The following FRAS1 variants were observed in gnomAD, a reference collection of about 807,000 sequenced individuals.
The protein encoded by FRAS1 is Fraser extracellular matrix complex subunit 1.
In FRAS1, 290 loss-of-function variants were observed where a neutral mutation model predicts 435.2. The ratio of observed to expected loss-of-function variants is 0.67; its 90% confidence interval spans 0.61 to 0.73. The LOEUF (loss-of-function observed/expected upper bound fraction) is 0.73. FRAS1 is among the 30% of genes least tolerant of loss of function. The pLI is 0.00. For synonymous variants in FRAS1, 1,800 were observed against 1,851.0 expected (o/e 0.97, Z 0.71); for missense variants, 4,860 against 5,001.5 (o/e 0.97, Z 0.85).
intron 70 of FRAS1, among the ~76,000 whole-genome samples, chr4:78,530,372 C>A (rs539781777): frequency 1.3e-5 from 2 of 152,016 alleles, no homozygotes; most frequent in Admixed American, 1.3e-4. Flanking sequence ...TGCTTTACAT[C>A]AGGGAGATTA....
chr4:78,075,989 G>T (rs754491313), intron 2 of FRAS1, among the ~76,000 whole-genome samples: 2 of 152,140 alleles, frequency 1.3e-5, no homozygotes, highest in Non-Finnish European at 2.9e-5. Flanking sequence ...TAGGCAGTGG[G>T]GATGCTTTGA....
rs757687097 is a variant in FRAS1, at chr4:78,387,398, A to C, written c.3672A>C (p.Glu1224Asp). The C allele has an allele frequency of 1.2e-6, 2 of 1,611,138 alleles. No homozygotes were observed. The highest frequency in any genetic ancestry group is 2.2e-5 in the South Asian group (2 of 90,600). Residue 1224 changes from glutamate to aspartate, a missense_variant, in exon 29 of 74, where the codon GAA (glutamate) becomes GAC (aspartate). Transcript: ENST00000512123. ...AGGCCCCCTATGTGCTGAGAAATGA[A>C]GTTCTCCACATTAGCAGAGGAGAGA... is the stretch of plus-strand genomic sequence containing the variant. ...STQAPYVLRNEVLHISRGERA... is the reference protein window; with the variant it reads ...STQAPYVLRNDVLHISRGERA...
At chr4:78,102,524 C>T (rs541410706) in intron 2 of FRAS1, among the ~76,000 whole-genome samples, 21 of 152,250 alleles carry the variant, frequency 1.4e-4, no homozygotes, top group African/African-American at 4.6e-4. Flanking sequence ...ACAAATTCCC[C>T]TTAATTTTCC....
chr4:78,076,040 C>A (rs755934520), intron 2 of FRAS1, among the ~76,000 whole-genome samples: 8 of 152,172 alleles, frequency 5.3e-5, no homozygotes, highest in African/African-American at 1.2e-4. Context: ...TCTGTCAGTA[C>A]AAACTGATTA....
intron 2 of FRAS1, among the ~76,000 whole-genome samples, chr4:78,079,748 T>C (rs569329064): frequency 2.0e-5 from 3 of 152,214 alleles, no homozygotes; most frequent in Admixed American, 6.5e-5. Context: ...CCGGCAAAAG[T>C]TCCAGAAAAC....
intron 2 of FRAS1, among the ~76,000 whole-genome samples, chr4:78,148,611 T>C (rs1720512134): frequency 6.6e-6 from 1 of 152,208 alleles, no homozygotes; most frequent in African/African-American, 2.4e-5. Context: ...ATTAATTATG[T>C]ATCTGATCTT....
At chr4:78,220,651 A>G (rs1277104757) in intron 2 of FRAS1, among the ~76,000 whole-genome samples, 3 of 152,224 alleles carry the variant, frequency 2.0e-5, no homozygotes, top group African/African-American at 7.2e-5. Context: ...TTTCATTAAT[A>G]GAACAATCAA....
At chr4:78,178,131 T>A (rs915410917) in intron 2 of FRAS1, among the ~76,000 whole-genome samples, 1 of 152,192 alleles carries the variant, frequency 6.6e-6, no homozygotes, top group African/African-American at 2.4e-5. Flanking sequence ...AGCATCACTT[T>A]AATCTCTGTC....
chr4:78,273,781 T>G (rs1726845180), intron 9 of FRAS1, among the ~76,000 whole-genome samples: 1 of 152,186 alleles, frequency 6.6e-6, no homozygotes, highest in South Asian at 2.1e-4. Context: ...TTCTCTTTTT[T>G]TGTAGTGTCT....
intron 14 of FRAS1, among the ~76,000 whole-genome samples, chr4:78,305,054 A>G (rs1006018982): frequency 3.8e-4 from 58 of 152,238 alleles, no homozygotes; most frequent in Non-Finnish European, 8.1e-4. Flanking sequence ...AGATTCTGGT[A>G]TGTTATGTCT....
At chr4:78,206,786 T>C (rs145015620) in intron 2 of FRAS1, among the ~76,000 whole-genome samples, 173 of 152,316 alleles carry the variant, frequency 1.1e-3, no homozygotes, top group African/African-American at 3.9e-3. Context: ...ATGACTTAAC[T>C]GGGTGCAAAG....
intron 23 of FRAS1, 97 bp from the exon 24 acceptor site, chr4:78,372,621 T>G (rs755638602): frequency 1.4e-5 from 21 of 1,449,666 alleles, no homozygotes; most frequent in Non-Finnish European, 1.6e-5. Context: ...TGTCCTTATT[T>G]TACTCCTTGC....
In FRAS1 at chr4:78,419,032, C is replaced by A. The variant is rs1170391622; in HGVS notation, c.4509C>A (p.Tyr1503Ter). The A allele has an allele frequency of 6.3e-7, 1 of 1,591,498 alleles. No homozygotes were observed. The highest frequency in any genetic ancestry group is 1.2e-5 in the South Asian group (1 of 85,672). ...AGAAGCCAAGTGGAAAGATTGTCTA[C>A]AACATCACTCTACCTCTGCATCCAA... ...NSEKPSGKIV[Y>*]NITLPLHPNQ... The change falls in exon 33 of 74, where the codon TAC becomes TAA. Residue 1503 changes from tyrosine (Y) to a stop codon, truncating the protein, a stop_gained. Transcript: ENST00000512123. LOFTEE classifies it high-confidence loss of function.
At chr4:78,256,118 C>CT (rs1188436635) in intron 6 of FRAS1, among the ~76,000 whole-genome samples, 3 of 152,120 alleles carry the variant, frequency 2.0e-5, no homozygotes, top group African/African-American at 7.2e-5. Flanking sequence ...CAAAGCAGTA[C>CT]TTTGTGTCAA....
rs1400500338 is a variant in FRAS1 at position 78,483,752 on chromosome 4, C to T, written c.8752+1217C>T. Reference sequence around the variant, plus strand: ...ACCAGTTTTTTGTGTGTTTATCCTTCAGGAGAAAAAAAAAACTCTCTCTCT... The same window carrying T: ...ACCAGTTTTTTGTGTGTTTATCCTTTAGGAGAAAAAAAAAACTCTCTCTCT... On this transcript the variant is annotated intron_variant, in intron 58 of 73. Coordinates refer to ENST00000512123, the MANE Select transcript of FRAS1 (RefSeq NM_025074.7). 2.3e-4 allele frequency among the ~76,000 whole-genome samples: 23 copies of T among 101,700 alleles called. 1 individual carries two copies. Among genetic ancestry groups the T allele is most frequent in the Non-Finnish European group, 3.5e-4 (17 of 48,962 alleles). The allele number at this position is 101,700 out of a possible 152,430, so 66.7% of individuals were successfully genotyped here.
At chr4:78,141,981 G>A (rs1440927470) in intron 2 of FRAS1, among the ~76,000 whole-genome samples, 1 of 152,084 alleles carries the variant, frequency 6.6e-6, no homozygotes, top group African/African-American at 2.4e-5. Flanking sequence ...TGGGGACTGG[G>A]GAGAAGCATG....
intron 19 of FRAS1, among the ~76,000 whole-genome samples, chr4:78,335,247 G>C (rs1456849077): frequency 6.6e-6 from 1 of 152,158 alleles, no homozygotes; most frequent in Non-Finnish European, 1.5e-5. Context: ...TTGCTGGGCA[G>C]CTCTTTCTTC....
chr4:78,534,730 A>G (rs1355547791), intron 71 of FRAS1, 115 bp downstream of exon 71: 1 of 974,562 alleles, frequency 1.0e-6, no homozygotes, highest in Non-Finnish European at 1.5e-6. Context: ...CCCAGTAAAG[A>G]TCCCCCAGGG....
rs1419653686 is a variant in FRAS1, at chr4:78,543,779, T to C, written c.*2655T>C. ...ATGACTAATGTGGATTATATTTCAG[T>C]CAAAGCTCTGCTTTCAATTTCTCTG... On this transcript the variant is annotated 3_prime_UTR_variant, in exon 74 of 74. Coordinates refer to ENST00000512123, the MANE Select transcript of FRAS1 (RefSeq NM_025074.7). 6.6e-6 allele frequency: 1 copy of C among 152,258 alleles called. No individual in the cohort carries two copies. The highest frequency in any genetic ancestry group is 1.5e-5 in the Non-Finnish European group (1 of 68,052). The allele number at this position is 152,258 out of a possible 1,614,324, so 9.4% of individuals were successfully genotyped here.
Sources: gnomAD v4.1 joint callset for allele counts (sites outside exome capture counted in the v4.1 genomes callset) on GRCh38, gnomAD v4.1.1 for gene constraint, MANE v1.5 for transcripts, NCBI Gene and HGNC (gene_info 2026-07-23, HGNC 2026-07-21) for gene names.